Variants in PLCB1 observed in about 807,000 individuals in gnomAD.
The protein encoded by PLCB1 is 1-phosphatidylinositol 4,5-bisphosphate phosphodiesterase beta-1.
In PLCB1, 46 loss-of-function variants were observed where a neutral mutation model predicts 161.8. The ratio of observed to expected loss-of-function variants is 0.28; its 90% CI spans 0.22 to 0.36. The LOEUF (loss-of-function observed/expected upper bound fraction) is 0.36. Ranked by LOEUF, PLCB1 falls within the 10% of genes least tolerant of loss-of-function variation. PLCB1 has a pLI of 1.00. For missense variants in PLCB1, 1,016 were observed against 1,472.5 expected (o/e 0.69, Z 5.07); for synonymous variants, 517 against 503.7 (o/e 1.03, Z -0.35).
chr20:8,216,709 C>T lies in PLCB1; in HGVS notation c.177+66338C>T, dbSNP rs541002302. ...CACAAATCCTCATATTTAAAGATATCTTATAAGAGTACACAAAAATGATAT... is the reference window on the plus strand; with the variant it reads ...CACAAATCCTCATATTTAAAGATATTTTATAAGAGTACACAAAAATGATAT... On this transcript the variant is annotated intron_variant, in intron 2 of 31. Transcript: ENST00000338037. Among the ~76,000 whole-genome samples, 17 of 152,136 alleles carry T rather than the reference C, an allele frequency of 1.1e-4. No individual in the cohort carries two copies. In the South Asian group the frequency reaches 3.1e-3, roughly 28 times the overall value.
At chr20:8,410,845 A>G (rs948879398) in intron 3 of PLCB1, among the ~76,000 whole-genome samples, 3 of 152,170 alleles carry the variant, frequency 2.0e-5, no homozygotes, top group Non-Finnish European at 2.9e-5. Context: ...TGTAAGAGAC[A>G]TACTAGGAAG....
intron 27 of PLCB1, among the ~76,000 whole-genome samples, chr20:8,784,796 C>T (rs370099391): frequency 2.3e-4 from 35 of 152,040 alleles, no homozygotes; most frequent in South Asian, 2.1e-4. Context: ...ATGCTTTTTC[C>T]GGAAGGAACA....
At chr20:8,816,727 G>A (rs891682044) in intron 31 of PLCB1, among the ~76,000 whole-genome samples, 1 of 152,178 alleles carries the variant, frequency 6.6e-6, no homozygotes, top group African/African-American at 2.4e-5. Context: ...GGTGGCCAAA[G>A]GGTGCTTTGC....
intron 2 of PLCB1, among the ~76,000 whole-genome samples, chr20:8,351,432 A>G (rs1472879959): frequency 6.6e-6 from 1 of 152,096 alleles, no homozygotes; most frequent in Non-Finnish European, 1.5e-5. Flanking sequence ...GGATTTGTGG[A>G]TGAGTTTTTA....
chr20:8,171,283 C>T (rs1258273219), intron 2 of PLCB1, among the ~76,000 whole-genome samples: 1 of 151,940 alleles, frequency 6.6e-6, no homozygotes, highest in Non-Finnish European at 1.5e-5. Flanking sequence ...ACATTATATA[C>T]ATTTAACTAA....
intron 2 of PLCB1, among the ~76,000 whole-genome samples, chr20:8,349,210 G>A (rs6055766): frequency 6.6e-6 from 1 of 152,138 alleles, no homozygotes; most frequent in Admixed American, 6.5e-5. Context: ...GGGAGTTTGG[G>A]CAGAGAACCT....
At chr20:8,847,175 C>A (rs1986718095) in intron 31 of PLCB1, among the ~76,000 whole-genome samples, 1 of 151,916 alleles carries the variant, frequency 6.6e-6, no homozygotes, top group Non-Finnish European at 1.5e-5. Context: ...AAGATTCTCA[C>A]ACACCATCCT....
chr20:8,760,175 G>T lies in PLCB1; in HGVS notation c.2657-232G>T, dbSNP rs2064285. ...CTGCCTCGGCCTCCCAAAGTGCCGG[G>T]ATTACAGGAATGAGCCACTGCACCT... On this transcript the variant is annotated intron_variant, in intron 24 of 31. Transcript: ENST00000338037. 0.078 allele frequency among the ~76,000 whole-genome samples: 11,804 copies of T among 152,206 alleles called. 550 individuals are homozygous for T. Among genetic ancestry groups the T allele is most frequent in the South Asian group, 0.18 (847 of 4,820 alleles).
intron 2 of PLCB1, among the ~76,000 whole-genome samples, chr20:8,333,377 A>G (rs1205678844): frequency 1.3e-5 from 2 of 152,242 alleles, no homozygotes; most frequent in Non-Finnish European, 2.9e-5. Flanking sequence ...TGGGGATTCC[A>G]TGAATGTCCA....
chr20:8,832,905 A>G (rs1986085143), intron 31 of PLCB1, among the ~76,000 whole-genome samples: 1 of 152,220 alleles, frequency 6.6e-6, no homozygotes, highest in South Asian at 2.1e-4. Context: ...CGGCAGCTGG[A>G]CAACCTTAAG....
chr20:8,231,536 G>T (rs775466683), intron 2 of PLCB1, among the ~76,000 whole-genome samples: 12 of 152,158 alleles, frequency 7.9e-5, no homozygotes, highest in Non-Finnish European at 8.8e-5. Flanking sequence ...CACACAATTG[G>T]CACTATGTTG....
chr20:8,602,410 C>G (rs1229370558), intron 3 of PLCB1, among the ~76,000 whole-genome samples: 1 of 152,086 alleles, frequency 6.6e-6, no homozygotes, highest in East Asian at 1.9e-4. Flanking sequence ...TTGAATTAAG[C>G]CCTGAATGTC....
intron 9 of PLCB1, among the ~76,000 whole-genome samples, chr20:8,681,357 A>G (rs1406414285): frequency 6.6e-6 from 1 of 151,960 alleles, no homozygotes; most frequent in African/African-American, 2.4e-5. Flanking sequence ...TCTCAACACA[A>G]GCACCCAGAA....
At chr20:8,448,576 T>G (rs1980937603) in intron 3 of PLCB1, among the ~76,000 whole-genome samples, 1 of 152,210 alleles carries the variant, frequency 6.6e-6, no homozygotes, top group Non-Finnish European at 1.5e-5. Context: ...TAAAAACTTT[T>G]TCCAACACCA....
intron 3 of PLCB1, among the ~76,000 whole-genome samples, chr20:8,592,496 C>A (rs960660680): frequency 8.5e-5 from 13 of 152,158 alleles, no homozygotes; most frequent in African/African-American, 3.1e-4. Flanking sequence ...GGCCAGCATA[C>A]GTGCCATTTT....
chr20:8,150,774 T>C (rs2051501315), intron 2 of PLCB1, among the ~76,000 whole-genome samples: 1 of 152,130 alleles, frequency 6.6e-6, no homozygotes, highest in Non-Finnish European at 1.5e-5. Flanking sequence ...TTCTCTCTCT[T>C]TTCCCCTGTG....
intron 26 of PLCB1, among the ~76,000 whole-genome samples, chr20:8,771,084 C>G (rs1263015769): frequency 3.3e-5 from 5 of 152,116 alleles, no homozygotes; most frequent in Non-Finnish European, 7.3e-5. Context: ...CTGCCCAATA[C>G]AGGAGCCACT....
intron 2 of PLCB1, among the ~76,000 whole-genome samples, chr20:8,289,308 A>G (rs982516202): frequency 2.6e-5 from 4 of 152,192 alleles, no homozygotes; most frequent in African/African-American, 9.6e-5. Context: ...TGTGCACACA[A>G]GTCCCCTGTG....
chr20:8,570,053 G>A (rs1019728982), intron 3 of PLCB1, among the ~76,000 whole-genome samples: 15 of 152,152 alleles, frequency 9.9e-5, no homozygotes, highest in African/African-American at 3.1e-4. Context: ...CTTAATGTTT[G>A]CTTCATGCCA....
Sources: gnomAD v4.1 joint callset for allele counts (sites outside exome capture counted in the v4.1 genomes callset) on GRCh38, gnomAD v4.1.1 for gene constraint, MANE v1.5 for transcripts, NCBI Gene and HGNC (gene_info 2026-07-23, HGNC 2026-07-21) for gene names.